GRID1: variants seen among roughly 807,000 people sequenced by gnomAD.
The protein encoded by GRID1 is glutamate ionotropic receptor delta type subunit 1.
Under a neutral mutation model 98.0 loss-of-function variants are expected in GRID1, and 28 were observed. The ratio of observed to expected loss-of-function variants is 0.29; its 90% CI spans 0.21 to 0.39. The LOEUF is 0.39. GRID1 is among the 10% of genes least tolerant of loss of function. The pLI, the probability that GRID1 is intolerant of heterozygous loss-of-function variation, is 1.00. For missense variants in GRID1, 1,111 were observed against 1,340.5 expected (o/e 0.83, Z 2.67); for synonymous variants, 553 against 538.5 (o/e 1.03, Z -0.37).
In GRID1 at chr10:85,940,066, C is replaced by CA. The variant is rs34122685; in HGVS notation, c.727-23828dup. Among the ~76,000 whole-genome samples the CA allele has an allele frequency of 5.1e-3, 511 of 99,306 alleles. 2 individuals are homozygous for CA. The highest frequency in any genetic ancestry group is 0.012 in the South Asian group (34 of 2,772). 65.1% of individuals were successfully genotyped at this position (99,306 alleles called of 152,430 possible). On this transcript the variant is annotated intron_variant, in intron 4 of 15. Coordinates refer to ENST00000327946, the MANE Select transcript of GRID1 (RefSeq NM_017551.3). ...TGGGCGACACAGTGAGACTCCCTCT[C>CA]AAAAAAAAAAAAAAAAAAAAAAGAG...
At chr10:86,112,999 A>G (rs1051688535) in intron 4 of GRID1, among the ~76,000 whole-genome samples, 1 of 152,192 alleles carries the variant, frequency 6.6e-6, no homozygotes, top group African/African-American at 2.4e-5. Flanking sequence ...GAAGCCCTCA[A>G]TGACCCAGCC....
chr10:85,867,490 C>G (rs1273437928), intron 6 of GRID1, among the ~76,000 whole-genome samples: 2 of 152,174 alleles, frequency 1.3e-5, no homozygotes, highest in East Asian at 3.9e-4. Flanking sequence ...AATGGGCACA[C>G]ACTCCCTGAG....
chr10:85,652,639 A>C (rs1036024153), intron 12 of GRID1, among the ~76,000 whole-genome samples: 2 of 152,144 alleles, frequency 1.3e-5, no homozygotes, highest in African/African-American at 2.4e-5. Context: ...ACAAGAGATG[A>C]TGCTGCAATC....
chr10:85,776,334 C>G (rs976841973), intron 8 of GRID1, among the ~76,000 whole-genome samples: 1 of 152,204 alleles, frequency 6.6e-6, no homozygotes, highest in African/African-American at 2.4e-5. Flanking sequence ...AGGCTCAGAT[C>G]AATTTCATGC....
At chr10:85,696,789 A>G (rs1841399875) in intron 12 of GRID1, among the ~76,000 whole-genome samples, 1 of 152,080 alleles carries the variant, frequency 6.6e-6, no homozygotes, top group Non-Finnish European at 1.5e-5. Flanking sequence ...ATTTAAAGCT[A>G]TAAACTTTCC....
rs532115371 is a variant in GRID1 at position 86,089,341 on chromosome 10, C to A, written c.726+49478G>T. Among the ~76,000 whole-genome samples, 28 of 152,294 alleles carry A rather than the reference C, an allele frequency of 1.8e-4. No individual in the cohort carries two copies. The South Asian group carries it at 5.8e-3, about 32-fold the overall frequency. On this transcript the variant is annotated intron_variant, in intron 4 of 15. Coordinates refer to ENST00000327946, the MANE Select transcript of GRID1 (RefSeq NM_017551.3). ...CAGCAGCAACACAGAACCTCCACCT[C>A]AGGTTTCAAAGGAAACCAAGAGGAG...
At chr10:85,736,983 A>C (rs943034453) in intron 8 of GRID1, among the ~76,000 whole-genome samples, 1 of 152,154 alleles carries the variant, frequency 6.6e-6, no homozygotes, top group East Asian at 1.9e-4. Flanking sequence ...TATCAGAGCC[A>C]ATGAACCTGG....
intron 8 of GRID1, among the ~76,000 whole-genome samples, chr10:85,826,082 T>A (rs1313824730): frequency 6.6e-6 from 1 of 152,152 alleles, no homozygotes; most frequent in Admixed American, 6.5e-5. Context: ...ATCCCAACAA[T>A]TTAGGAGGCT....
chr10:85,671,831 C>G (rs967542900), intron 12 of GRID1, among the ~76,000 whole-genome samples: 34 of 152,288 alleles, frequency 2.2e-4, no homozygotes, highest in African/African-American at 5.3e-4. Context: ...AGCAAAAGAG[C>G]CTTATTACTG....
intron 4 of GRID1, among the ~76,000 whole-genome samples, chr10:86,116,017 C>T (rs1278877774): frequency 6.6e-6 from 1 of 152,228 alleles, no homozygotes; most frequent in Non-Finnish European, 1.5e-5. Context: ...AGCATAGGAG[C>T]GATAGGCTGT....
At chr10:86,042,647 T>A (rs1348106773) in intron 4 of GRID1, among the ~76,000 whole-genome samples, 2 of 152,146 alleles carry the variant, frequency 1.3e-5, no homozygotes. Context: ...CCACAGGAAC[T>A]AGGGGACTTG....
At chr10:85,772,078 C>G (rs1487952394) in intron 8 of GRID1, among the ~76,000 whole-genome samples, 1 of 152,106 alleles carries the variant, frequency 6.6e-6, no homozygotes, top group Non-Finnish European at 1.5e-5. Flanking sequence ...GGAAGGAGAG[C>G]TCTCCTCAGC....
At chr10:85,650,673 C>G (rs1315880382) in intron 12 of GRID1, among the ~76,000 whole-genome samples, 1 of 152,004 alleles carries the variant, frequency 6.6e-6, no homozygotes, top group African/African-American at 2.4e-5. Flanking sequence ...TGGGTAGGAG[C>G]TAAAGAAATG....
At chr10:86,061,330 G>A (rs1217333463) in intron 4 of GRID1, among the ~76,000 whole-genome samples, 1 of 152,142 alleles carries the variant, frequency 6.6e-6, no homozygotes. Context: ...GCCTTGGCCT[G>A]GCCTCTGACT....
At chr10:85,783,188 A>G (rs528209475) in intron 8 of GRID1, among the ~76,000 whole-genome samples, 3 of 152,284 alleles carry the variant, frequency 2.0e-5, no homozygotes, top group African/African-American at 7.2e-5. Flanking sequence ...CCGGGGGATC[A>G]TATATCCAGA....
intron 13 of GRID1, chr10:85,644,009 T>C (rs763582425): frequency 2.0e-5 from 3 of 152,036 alleles, no homozygotes; most frequent in Non-Finnish European, 2.9e-5. Flanking sequence ...AATGATGAGG[T>C]GTTTCTCTAA....
At chr10:86,201,578 G>A (rs1335424967) in intron 3 of GRID1, among the ~76,000 whole-genome samples, 1 of 151,844 alleles carries the variant, frequency 6.6e-6, no homozygotes, top group Non-Finnish European at 1.5e-5. Flanking sequence ...GAAAAACAAC[G>A]AATGGGTACT....
intron 8 of GRID1, among the ~76,000 whole-genome samples, chr10:85,768,782 T>C (rs1842223948): frequency 6.6e-6 from 1 of 152,250 alleles, no homozygotes. Context: ...CAATGCATTG[T>C]TGACAGATAT....
At chr10:86,023,577 T>C (rs1843077852) in intron 4 of GRID1, among the ~76,000 whole-genome samples, 1 of 152,076 alleles carries the variant, frequency 6.6e-6, no homozygotes, top group South Asian at 2.1e-4. Flanking sequence ...ATTTCTTTAT[T>C]ACCCACTGCT....
Sources: gnomAD v4.1 joint callset for allele counts (sites outside exome capture counted in the v4.1 genomes callset) on GRCh38, gnomAD v4.1.1 for gene constraint, MANE v1.5 for transcripts, NCBI Gene and HGNC (gene_info 2026-07-23, HGNC 2026-07-21) for gene names.